The following DPP10 variants were observed in gnomAD, a reference collection of about 807,000 sequenced individuals.
DPP10 encodes the protein inactive dipeptidyl peptidase 10.
DPP10 carries 33 observed loss-of-function variants against 120.9 expected under a neutral mutation model. The observed-to-expected ratio is 0.27, with a 90% CI of 0.21 to 0.37. The LOEUF (loss-of-function observed/expected upper bound fraction) is 0.37, where lower values mean the gene tolerates loss of function less well. Ranked by LOEUF, DPP10 falls within the 10% of genes least tolerant of loss-of-function variation. The pLI is 1.00. For missense variants in DPP10, 816 were observed against 942.8 expected (o/e 0.87, Z 1.76); for synonymous variants, 337 against 326.1 (o/e 1.03, Z -0.36).
chr2:114,986,597 A>G (rs1293575958), intron 1 of DPP10, among the ~76,000 whole-genome samples: 1 of 152,234 alleles, frequency 6.6e-6, no homozygotes, highest in African/African-American at 2.4e-5. Flanking sequence ...TTTAATGAAC[A>G]TGAATTCATT....
chr2:115,125,051 T>C (rs1173354440), intron 1 of DPP10, among the ~76,000 whole-genome samples: 2 of 152,242 alleles, frequency 1.3e-5, no homozygotes, highest in Non-Finnish European at 2.9e-5. Context: ...TAAGTTCTTT[T>C]GTTTCTCTAT....
chr2:114,594,108 ACC>A (rs2105179228), intron 1 of DPP10, among the ~76,000 whole-genome samples: 1 of 152,098 alleles, frequency 6.6e-6, no homozygotes, highest in South Asian at 2.1e-4. Flanking sequence ...GGAAAGGCAG[ACC>A]CACCCTTAAC....
At chr2:115,306,572 C>T (rs1045620266) in intron 1 of DPP10, among the ~76,000 whole-genome samples, 1 of 151,942 alleles carries the variant, frequency 6.6e-6, no homozygotes, top group African/African-American at 2.4e-5. Flanking sequence ...GTAAGTAACA[C>T]CATGCTTTAG....
At chr2:115,835,422 C>G (rs956070889) in intron 21 of DPP10, among the ~76,000 whole-genome samples, 1 of 152,158 alleles carries the variant, frequency 6.6e-6, no homozygotes, top group African/African-American at 2.4e-5. Context: ...TGTAGTTATT[C>G]TTCTCTTCCT....
intron 5 of DPP10, among the ~76,000 whole-genome samples, chr2:115,670,675 T>G (rs2149439854): frequency 6.6e-6 from 1 of 152,262 alleles, no homozygotes; most frequent in African/African-American, 2.4e-5. Context: ...AAAGTCTACG[T>G]TAAAGCTGCC....
chr2:114,453,714 C>G (rs939800880), intron 1 of DPP10, among the ~76,000 whole-genome samples: 1 of 152,090 alleles, frequency 6.6e-6, no homozygotes, highest in African/African-American at 2.4e-5. Flanking sequence ...CAGAGCAAAA[C>G]CCATTCCCCC....
chr2:114,902,889 A>G (rs1693691990), intron 1 of DPP10, among the ~76,000 whole-genome samples: 1 of 152,160 alleles, frequency 6.6e-6, no homozygotes, highest in Admixed American at 6.5e-5. Context: ...AATGACATGC[A>G]TCTATCATTA....
intron 3 of DPP10, among the ~76,000 whole-genome samples, chr2:115,445,603 C>G (rs1370901912): frequency 6.6e-6 from 1 of 152,088 alleles, no homozygotes; most frequent in Non-Finnish European, 1.5e-5. Context: ...ATCTGTAGAA[C>G]TTTGAACTTG....
At chr2:114,478,050 G>A (rs1409051071) in intron 1 of DPP10, among the ~76,000 whole-genome samples, 2 of 151,058 alleles carry the variant, frequency 1.3e-5, no homozygotes, top group Non-Finnish European at 3.0e-5. Context: ...TCTAAATTTA[G>A]GCAGCTAAAA....
At chr2:115,749,872 G>A (rs1228501640) in intron 10 of DPP10, 5 of 414,250 alleles carry the variant, frequency 1.2e-5, no homozygotes, top group Non-Finnish European at 1.6e-5. Flanking sequence ...GTGATGCTGG[G>A]GCCTCCATTC....
At chr2:115,184,087 G>C (rs1009899710) in intron 1 of DPP10, among the ~76,000 whole-genome samples, 1 of 152,100 alleles carries the variant, frequency 6.6e-6, no homozygotes, top group Admixed American at 6.6e-5. Context: ...AGGGAATAGG[G>C]AACTCAACGA....
At chr2:115,133,137 GTGTGTGTGTATA>G (rs1488898258) in intron 1 of DPP10, among the ~76,000 whole-genome samples, 3 of 62,892 alleles carry the variant, frequency 4.8e-5, no homozygotes, top group Admixed American at 1.7e-4. Flanking sequence ...GTGTGTGTGT[GTGTGTGTGTATA>G]TATATATATA....
At chr2:114,786,422 G>A (rs564831142) in intron 1 of DPP10, among the ~76,000 whole-genome samples, 3 of 152,174 alleles carry the variant, frequency 2.0e-5, no homozygotes, top group Non-Finnish European at 4.4e-5. Flanking sequence ...TTCGAGAAGC[G>A]AGAGAAAGGT....
At chr2:115,360,272 A>G (rs1015384429) in intron 3 of DPP10, among the ~76,000 whole-genome samples, 1 of 152,112 alleles carries the variant, frequency 6.6e-6, no homozygotes, top group Non-Finnish European at 1.5e-5. Context: ...CATTTGGATG[A>G]GGCATTTTGT....
intron 2 of DPP10, 66 bp downstream of exon 2, chr2:115,309,419 C>A: frequency 6.8e-7 from 1 of 1,477,322 alleles, no homozygotes; most frequent in Non-Finnish European, 9.4e-7. Flanking sequence ...CATTCAAATG[C>A]CTTAAGAGGG....
intron 1 of DPP10, among the ~76,000 whole-genome samples, chr2:114,667,506 ATAT>A (rs1413471714): frequency 6.6e-6 from 1 of 152,190 alleles, no homozygotes; most frequent in African/African-American, 2.4e-5. Flanking sequence ...ACAGGGCTTA[ATAT>A]TATTGCTTAG....
intron 3 of DPP10, among the ~76,000 whole-genome samples, chr2:115,389,325 A>C (rs140780482): frequency 4.7e-4 from 71 of 151,944 alleles, no homozygotes; most frequent in African/African-American, 1.7e-3. Flanking sequence ...CTTCATTTCA[A>C]TTTGAACTAC....
At chr2:115,125,568 C>CTTTT (rs57686926) in intron 1 of DPP10, among the ~76,000 whole-genome samples, 12,694 of 112,020 alleles carry the variant, frequency 0.11, 1,134 homozygotes, top group East Asian at 0.37. Flanking sequence ...ATCATAATGG[C>CTTTT]TTTTTTTTTT....
chr2:114,623,656 A>G (rs797011322), intron 1 of DPP10, among the ~76,000 whole-genome samples: 1 of 152,108 alleles, frequency 6.6e-6, no homozygotes. Flanking sequence ...AAATAGTTCA[A>G]ATAACAGCCT....
Sources: gnomAD v4.1 joint callset for allele counts (sites outside exome capture counted in the v4.1 genomes callset) on GRCh38, gnomAD v4.1.1 for gene constraint, MANE v1.5 for transcripts, NCBI Gene and HGNC (gene_info 2026-07-23, HGNC 2026-07-21) for gene names.